SLC25A41: variants seen among roughly 807,000 people sequenced by gnomAD.
The protein encoded by SLC25A41 is solute carrier family 25 member 41.
SLC25A41 carries 35 observed loss-of-function variants against 34.7 expected under a neutral mutation model. The ratio of observed to expected loss-of-function variants is 1.01; its 90% CI spans 0.77 to 1.34. The LOEUF is 1.34. Ranked by LOEUF, SLC25A41 falls within the 40% of genes most tolerant of loss-of-function variation. The pLI is 0.00. For missense variants in SLC25A41, 492 were observed against 489.8 expected (o/e 1.00, Z -0.04); for synonymous variants, 190 against 209.9 (o/e 0.91, Z 0.82).
intron 4 of SLC25A41, among the ~76,000 whole-genome samples, 198 bp downstream of exon 4, chr19:6,429,510 GGAGAGGAGGAAGGAGA>G (rs2092273970): frequency 1.8e-4 from 16 of 86,920 alleles, no homozygotes; most frequent in South Asian, 4.9e-4. Context: ...AGGAGGAGGA[GGAGAGGAGGAAGGAGA>G]AAGGAGGAGG....
chr19:6,426,621 TG>T, intron 6 of SLC25A41, 60 bp from the exon 7 acceptor site: 2 of 1,574,954 alleles, frequency 1.3e-6, no homozygotes, highest in Non-Finnish European at 8.6e-7. Context: ...CCTAGGAGTC[TG>T]GAATGTTGCG....
chr19:6,428,770 T>C (rs1254001592), intron 4 of SLC25A41, among the ~76,000 whole-genome samples: 2 of 145,916 alleles, frequency 1.4e-5, no homozygotes, highest in East Asian at 2.0e-4. Flanking sequence ...GGAGTGCAGT[T>C]GTGTCCCATC....
chr19:6,429,200 A>AT (rs2092268776), intron 4 of SLC25A41, among the ~76,000 whole-genome samples: 1 of 87,280 alleles, frequency 1.1e-5, no homozygotes, highest in Non-Finnish European at 2.1e-5. Context: ...TATATATAAT[A>AT]TATATGTTGT....
At chr19:6,430,214 C>T (rs1359375452) in intron 2 of SLC25A41, 53 bp from the exon 3 acceptor site, 1 of 1,531,556 alleles carries the variant, frequency 6.5e-7, no homozygotes, top group Non-Finnish European at 8.8e-7. Context: ...GTCTCCGTCC[C>T]CATCCCTGCC....
In SLC25A41 at chr19:6,427,587, A is replaced by G; in HGVS notation, c.625-86T>C. 5 of 1,358,940 alleles carry G rather than the reference A, an allele frequency of 3.7e-6. No homozygotes were observed. The highest frequency in any genetic ancestry group is 4.8e-6 in the Non-Finnish European group (5 of 1,036,544). The allele number at this position is 1,358,940 out of a possible 1,614,324, so 84.2% of individuals were successfully genotyped here. On this transcript the variant is annotated intron_variant, in intron 4 of 6. Transcript: ENST00000321510. This position sits in a 1 kb window ranked among gnomAD's most constrained non-coding sequence, Gnocchi z 4.9. ...TAGCCATTGTCCCCACCCTACAAAC[A>G]AGGAAAATGAGGCTCAGGAAGGCAA...
In SLC25A41 at chr19:6,429,084, T is replaced by TGA. The variant is rs2092261383; in HGVS notation, c.624+639_624+640insTC. ...GTTATATATATATATAATATATATA[T>TGA]TATATATATGTTACATATATATATA... On this transcript the variant is annotated intron_variant, in intron 4 of 6. Coordinates refer to ENST00000321510, the MANE Select transcript of SLC25A41 (RefSeq NM_173637.4). Among the ~76,000 whole-genome samples, 3 of 47,070 alleles carry TGA rather than the reference T, an allele frequency of 6.4e-5. 1 individual carries two copies. The highest frequency in any genetic ancestry group is 9.7e-5 in the Non-Finnish European group (3 of 31,034). The allele number at this position is 47,070 out of a possible 152,430, so 30.9% of individuals were successfully genotyped here.
chr19:6,429,049 T>TTATA (rs1555730062), intron 4 of SLC25A41, among the ~76,000 whole-genome samples: 1 of 37,376 alleles, frequency 2.7e-5, no homozygotes, highest in Non-Finnish European at 4.2e-5. Flanking sequence ...AATATATATA[T>TTATA]TATATATATG....
upstream of SLC25A41, among the ~76,000 whole-genome samples, chr19:6,435,233 A>G (rs1365442957): frequency 6.1e-5 from 9 of 148,344 alleles, 1 homozygote; most frequent in Admixed American, 2.0e-4. Context: ...CAAAAAAAAA[A>G]AAAAGAAAAA....
chr19:6,434,975 C>G (rs1204168668), upstream of SLC25A41, among the ~76,000 whole-genome samples: 4 of 151,760 alleles, frequency 2.6e-5, no homozygotes, highest in Non-Finnish European at 5.9e-5. Flanking sequence ...ATAATAGCAG[C>G]ACTTTGGGAG....
chr19:6,429,635 G>A (rs2092275383), intron 4 of SLC25A41, 89 bp downstream of exon 4: 1 of 887,230 alleles, frequency 1.1e-6, no homozygotes, highest in Non-Finnish European at 1.7e-6. Context: ...AAGGAGGAGG[G>A]GAGAAAGGAG....
At chr19:6,436,209 GC>G, upstream of SLC25A41, 1 of 281,018 alleles carries the variant, frequency 3.6e-6, no homozygotes, top group South Asian at 3.4e-5. Flanking sequence ...GAACTCAGGA[GC>G]CGCTGAGCCG....
At chr19:6,426,706 T>C in intron 6 of SLC25A41, 145 bp from the exon 7 acceptor site, 1 of 822,686 alleles carries the variant, frequency 1.2e-6, no homozygotes, top group Non-Finnish European at 1.9e-6. Context: ...TAGAGGAAAT[T>C]GGTCAGTTTG....
intron 1 of SLC25A41, 76 bp downstream of exon 1, chr19:6,433,411 A>G: frequency 6.9e-7 from 1 of 1,443,532 alleles, no homozygotes; most frequent in Non-Finnish European, 9.7e-7. Flanking sequence ...GTGGGCCTGT[A>G]GAGGGCGTGG....
Position 6,427,361 on chromosome 19 carries a change from A to T in SLC25A41, c.765T>A (p.Tyr255Ter). 6.2e-7 allele frequency: 1 copy of T among 1,610,520 alleles called. No individual in the cohort carries two copies. Among genetic ancestry groups the T allele is most frequent in the Non-Finnish European group, 8.5e-7 (1 of 1,178,064 alleles). The change falls in exon 5 of 7, where the codon TAT becomes TAA. Residue 255 changes from tyrosine (Y) to a stop codon, truncating the protein, a stop_gained. Coordinates refer to ENST00000321510, the MANE Select transcript of SLC25A41 (RefSeq NM_173637.4). LOFTEE classifies it high-confidence loss of function. This position sits in a 1 kb window ranked among gnomAD's most constrained non-coding sequence, Gnocchi z 4.9. ...CATAGACAGCCAGGTCGGTGCAGGC[A>T]TAGGGGATGATGCCGAGCATATTGG... ...YLPNMLGIIP[Y>*]ACTDLAVYEM...
In SLC25A41 at chr19:6,426,339, C is replaced by T; in HGVS notation, c.*50G>A. The T allele has an allele frequency of 6.4e-7, 1 of 1,565,022 alleles. No homozygotes were observed. The highest frequency in any genetic ancestry group is 8.7e-7 in the Non-Finnish European group (1 of 1,145,514). On this transcript the variant is annotated 3_prime_UTR_variant, in exon 7 of 7. Transcript: ENST00000321510. ...AGGGCTCTTTGGGGCCAGGGGTCAT[C>T]AGGTCCTCCTGTCCCATTTCTGCCT... is the stretch of plus-strand genomic sequence containing the variant.
In SLC25A41 at chr19:6,429,039, A is replaced by ATATATATATATAAT. The variant is rs1427334348; in HGVS notation, c.624+684_624+685insATTATATATATATA. On this transcript the variant is annotated intron_variant, in intron 4 of 6. Transcript: ENST00000321510. Reference sequence around the variant, plus strand: ...CCTGAAAATTTATATATATATATATAATATATATATTATATATATGTTATA... The same window carrying ATATATATATATAAT: ...CCTGAAAATTTATATATATATATATATATATATATATAATATATATATATTATATATATGTTATA... Among the ~76,000 whole-genome samples the ATATATATATATAAT allele has an allele frequency of 7.4e-5, 2 of 26,998 alleles. 1 individual carries two copies. The highest frequency in any genetic ancestry group is 1.1e-4 in the Non-Finnish European group (2 of 17,956). The allele number at this position is 26,998 out of a possible 152,430, so 17.7% of individuals were successfully genotyped here.
chr19:6,432,849 A>C (rs981683336), intron 1 of SLC25A41, among the ~76,000 whole-genome samples: 1 of 150,790 alleles, frequency 6.6e-6, no homozygotes, highest in South Asian at 2.1e-4. Flanking sequence ...TATTATTTTA[A>C]TAGAGGCAGG....
chr19:6,429,176 A>T (rs185155199), intron 4 of SLC25A41, among the ~76,000 whole-genome samples: 2,130 of 23,426 alleles, frequency 0.091, 607 homozygotes, highest in Admixed American at 0.21. Flanking sequence ...TATATATATA[A>T]TATATATATG....
chr19:6,428,165 C>G (rs1423407812), intron 4 of SLC25A41, among the ~76,000 whole-genome samples: 1 of 151,948 alleles, frequency 6.6e-6, no homozygotes, highest in Non-Finnish European at 1.5e-5. Context: ...GCCTGTAATC[C>G]CAGCACTTTG....
Sources: gnomAD v4.1 joint callset for allele counts (sites outside exome capture counted in the v4.1 genomes callset) on GRCh38, gnomAD v4.1.1 for gene constraint, Gnocchi (gnomAD v3.1) non-coding constraint, MANE v1.5 for transcripts, NCBI Gene and HGNC (gene_info 2026-07-23, HGNC 2026-07-21) for gene names.